Variants in METTL25 observed in about 807,000 individuals in gnomAD.
METTL25 encodes probable methyltransferase-like protein 25.
Under a neutral mutation model 71.6 loss-of-function variants are expected in METTL25, and 64 were observed. The observed-to-expected ratio is 0.89, with a 90% CI of 0.73 to 1.10. The LOEUF is 1.10. METTL25 is among the 50% of genes least tolerant of loss of function. METTL25 has a pLI of 0.00. For synonymous variants in METTL25, 287 were observed against 250.3 expected (o/e 1.15, Z -1.38); for missense variants, 807 against 707.0 (o/e 1.14, Z -1.60).
In METTL25 at chr12:82,430,988, G is replaced by A; in HGVS notation, c.1374+1G>A. 3 of 1,574,356 alleles carry A rather than the reference G, an allele frequency of 1.9e-6. No individual in the cohort carries two copies. Among genetic ancestry groups the A allele is most frequent in the Non-Finnish European group, 1.7e-6 (2 of 1,152,030 alleles). ...TAATGCCAGAATGTCAGCATGTTTGGTATGGTTATATTTTTTCCTGGAGTA... is the reference window on the plus strand; with the variant it reads ...TAATGCCAGAATGTCAGCATGTTTGATATGGTTATATTTTTTCCTGGAGTA... On this transcript the variant is annotated splice_donor_variant, in intron 6 of 11. Coordinates refer to ENST00000248306, the MANE Select transcript of METTL25 (RefSeq NM_032230.3). LOFTEE classifies it high-confidence loss of function.
At chr12:82,359,455 T>C (rs961719750) in intron 1 of METTL25, among the ~76,000 whole-genome samples, 3 of 152,116 alleles carry the variant, frequency 2.0e-5, no homozygotes, top group Admixed American at 2.0e-4. Context: ...GGATTTTAAG[T>C]GTGACGGAAA....
At chr12:82,379,690 T>G (rs1172146486) in intron 1 of METTL25, among the ~76,000 whole-genome samples, 1 of 152,198 alleles carries the variant, frequency 6.6e-6, no homozygotes, top group Non-Finnish European at 1.5e-5. Context: ...AACTCTCTCC[T>G]GCACTTGAAA....
At chr12:82,424,806 G>C (rs887929092) in intron 5 of METTL25, among the ~76,000 whole-genome samples, 1 of 151,998 alleles carries the variant, frequency 6.6e-6, no homozygotes, top group Non-Finnish European at 1.5e-5. Context: ...CACACAGAGA[G>C]ACACAGAGAA....
In METTL25 at chr12:82,382,857, TGC is replaced by T. The variant is rs1884577545; in HGVS notation, c.260-3945_260-3944del. On this transcript the variant is annotated intron_variant, in intron 1 of 11. Coordinates refer to ENST00000248306, the MANE Select transcript of METTL25 (RefSeq NM_032230.3). ...TCAAGTAGCTGGGACTACAGGTATA[TGC>T]CACTGTACCCAGCTAATTTTTTAAA... Among the ~76,000 whole-genome samples the T allele has an allele frequency of 2.6e-5, 4 of 152,052 alleles. No homozygotes were observed. The East Asian group carries it at 5.8e-4, about 22-fold the overall frequency.
chr12:82,443,462 CAAAAAAAAAA>C (rs67737833), intron 8 of METTL25, among the ~76,000 whole-genome samples: 11 of 96,614 alleles, frequency 1.1e-4, no homozygotes, highest in South Asian at 3.4e-4. Context: ...CAGAGGAGAC[CAAAAAAAAAA>C]AAAAAAAGAA....
intron 5 of METTL25, among the ~76,000 whole-genome samples, chr12:82,424,738 A>G (rs1003949156): frequency 2.6e-5 from 4 of 152,030 alleles, no homozygotes; most frequent in African/African-American, 9.7e-5. Flanking sequence ...GTTAAGATGG[A>G]GTCATCATAC....
In METTL25 at chr12:82,456,840, T is replaced by C; in HGVS notation, c.1572+20T>C. On this transcript the variant is annotated intron_variant, in intron 9 of 11. Transcript: ENST00000248306. ...TCCAAGGTCAGTATATGATGACTCA[T>C]TATTTTCAGAAAAGACAGAAGAACT... The C allele has an allele frequency of 8.5e-7, 1 of 1,171,138 alleles. No individual in the cohort carries two copies. Among genetic ancestry groups the C allele is most frequent in the Non-Finnish European group, 1.2e-6 (1 of 843,784 alleles). 72.5% of individuals were successfully genotyped at this position (1,171,138 alleles called of 1,614,324 possible).
chr12:82,426,314 C>T (rs549950589), intron 5 of METTL25, among the ~76,000 whole-genome samples: 55 of 152,154 alleles, frequency 3.6e-4, no homozygotes, highest in Non-Finnish European at 6.2e-4. Flanking sequence ...AAACTGTTAA[C>T]GCAGATTCAG....
chr12:82,416,957 C>T (rs570426274), intron 5 of METTL25, among the ~76,000 whole-genome samples: 1 of 151,956 alleles, frequency 6.6e-6, no homozygotes, highest in Admixed American at 6.6e-5. Flanking sequence ...GTCCTGTAAC[C>T]TCTGATGCTA....
chr12:82,452,768 A>T (rs1238789649), intron 8 of METTL25, among the ~76,000 whole-genome samples: 1 of 152,206 alleles, frequency 6.6e-6, no homozygotes, highest in African/African-American at 2.4e-5. Flanking sequence ...TAATAGTGGT[A>T]ATAATACTAT....
Position 82,448,398 on chromosome 12 carries a change from T to C in METTL25, c.1479-8329T>C, listed in dbSNP as rs1890901208. Among the ~76,000 whole-genome samples, 2 of 152,108 alleles carry C rather than the reference T, an allele frequency of 1.3e-5. 1 individual carries two copies. Among genetic ancestry groups the C allele is most frequent in the South Asian group, 4.1e-4 (2 of 4,826 alleles). ...GTTAAAACTCAATAATTTATGGAAA[T>C]TTATTTACAATTAGTACTTATCTAT... On this transcript the variant is annotated intron_variant, in intron 8 of 11. Transcript: ENST00000248306.
chr12:82,439,929 A>G (rs1481117735), intron 8 of METTL25: 3 of 566,682 alleles, frequency 5.3e-6, no homozygotes, highest in Non-Finnish European at 6.7e-6. Flanking sequence ...CTTCTCACTT[A>G]AAAACTCAAT....
At chr12:82,475,197 G>A (rs985083321) in intron 9 of METTL25, among the ~76,000 whole-genome samples, 2 of 152,194 alleles carry the variant, frequency 1.3e-5, no homozygotes, top group African/African-American at 4.8e-5. Context: ...TCTTCAGATG[G>A]TAAAGGAGAG....
intron 5 of METTL25, among the ~76,000 whole-genome samples, chr12:82,410,045 G>A (rs1334540861): frequency 6.6e-6 from 1 of 152,038 alleles, no homozygotes; most frequent in Non-Finnish European, 1.5e-5. Flanking sequence ...TTTAAAAATT[G>A]TTCCTTTGCT....
At chr12:82,438,564 A>G in intron 7 of METTL25, 154 bp from the exon 8 acceptor site, 1 of 359,218 alleles carries the variant, frequency 2.8e-6, no homozygotes, top group Admixed American at 4.7e-5. Flanking sequence ...GCCTCAGGGT[A>G]ACACTTTCGC....
intron 1 of METTL25, among the ~76,000 whole-genome samples, chr12:82,383,126 G>T (rs1884603278): frequency 6.6e-6 from 1 of 151,992 alleles, no homozygotes; most frequent in African/African-American, 2.4e-5. Flanking sequence ...ATTGATCTCT[G>T]CCAGAGGGAA....
Position 82,399,336 on chromosome 12 carries a change from C to G in METTL25, c.1073C>G (p.Pro358Arg). 6.2e-7 allele frequency: 1 copy of G among 1,605,402 alleles called. No homozygotes were observed. Among genetic ancestry groups the G allele is most frequent in the Non-Finnish European group, 8.5e-7 (1 of 1,175,960 alleles). Residue 358 changes from proline (P) to arginine (R), a missense_variant, in exon 4 of 12, where the codon CCT (proline) becomes CGT (arginine). By Grantham distance (103) the Pro-to-Arg change is moderately radical. Coordinates refer to ENST00000248306, the MANE Select transcript of METTL25 (RefSeq NM_032230.3). ...TCAAGTGAATCAAATATATATTCAC[C>G]TTTAACCTCTTTTATCACTGCTGAT... ...SKSSESNIYS[P>R]LTSFITADSE...
chr12:82,390,011 C>G, intron 3 of METTL25, 89 bp downstream of exon 3: 3 of 720,028 alleles, frequency 4.2e-6, no homozygotes, highest in Non-Finnish European at 7.4e-6. Flanking sequence ...GTCAGCTAGC[C>G]TTTAAAATGT....
At chr12:82,449,595 CTG>C (rs1183747806) in intron 8 of METTL25, among the ~76,000 whole-genome samples, 5 of 152,266 alleles carry the variant, frequency 3.3e-5, no homozygotes. Flanking sequence ...GAAGACATCT[CTG>C]TGATAGCTTT....
Sources: allele counts gnomAD v4.1 joint callset (sites outside exome capture counted in the v4.1 genomes callset), GRCh38; gene constraint gnomAD v4.1.1; transcripts MANE v1.5; gene names NCBI Gene and HGNC (gene_info 2026-07-23, HGNC 2026-07-21).